FRMD4B: variants seen among roughly 807,000 people sequenced by gnomAD.
FRMD4B encodes the protein FERM domain containing 4B.
A neutral mutation model predicts 141.5 loss-of-function variants in FRMD4B; 74 were observed. That is an observed-to-expected ratio of 0.52 (90% CI 0.43 to 0.63). The LOEUF is 0.63. Ranked by LOEUF, FRMD4B falls within the 30% of genes least tolerant of loss-of-function variation. The probability of loss-of-function intolerance (pLI) is 0.00; values close to 1 mark genes in which losing one functional copy is unlikely to be tolerated. For missense variants in FRMD4B, 1,366 were observed against 1,253.4 expected (o/e 1.09, Z -1.36); for synonymous variants, 506 against 467.9 (o/e 1.08, Z -1.05).
intron 2 of FRMD4B, among the ~76,000 whole-genome samples, chr3:69,407,566 C>G (rs941748194): frequency 1.3e-5 from 2 of 152,200 alleles, no homozygotes; most frequent in Non-Finnish European, 2.9e-5. Flanking sequence ...GCAACCCAAA[C>G]GATGTTCAGG....
At chr3:69,318,162 A>G (rs1701868293) in intron 1 of FRMD4B, among the ~76,000 whole-genome samples, 1 of 151,954 alleles carries the variant, frequency 6.6e-6, no homozygotes, top group Admixed American at 6.6e-5. Flanking sequence ...TTTTGCAGAG[A>G]CAGGATCTTA....
At chr3:69,186,246 C>CTT (rs58174388) in intron 19 of FRMD4B, among the ~76,000 whole-genome samples, 7 of 89,618 alleles carry the variant, frequency 7.8e-5, no homozygotes, top group Admixed American at 2.7e-4. Flanking sequence ...TTTCTTTTTC[C>CTT]TTTTTTTTTT....
intron 1 of FRMD4B, among the ~76,000 whole-genome samples, chr3:69,436,292 A>C (rs1331843481): frequency 6.6e-6 from 1 of 152,196 alleles, no homozygotes; most frequent in African/African-American, 2.4e-5. Context: ...TGAAATACTA[A>C]AAAACGTAGG....
chr3:69,458,271 T>C (rs1348966467), intron 1 of FRMD4B, among the ~76,000 whole-genome samples: 1 of 152,166 alleles, frequency 6.6e-6, no homozygotes, highest in Non-Finnish European at 1.5e-5. Context: ...GATTTTTACA[T>C]TGGGTCATGT....
At chr3:69,303,069 G>A (rs1333383414) in intron 3 of FRMD4B, among the ~76,000 whole-genome samples, 4 of 136,062 alleles carry the variant, frequency 2.9e-5, no homozygotes, top group Non-Finnish European at 6.7e-5. Flanking sequence ...CCCTGTTAGA[G>A]TGAAACTCTG....
At chr3:69,375,156 C>A (rs147892096) in intron 1 of FRMD4B, among the ~76,000 whole-genome samples, 31 of 151,314 alleles carry the variant, frequency 2.0e-4, no homozygotes, top group Non-Finnish European at 3.7e-4. Context: ...CCCATCTATC[C>A]ATTCATCCAC....
rs1228930812 is a variant in FRMD4B, at chr3:69,287,797, G to A, written c.456C>T (p.Thr152=). 6.2e-7 allele frequency: 1 copy of A among 1,602,058 alleles called. No individual in the cohort carries two copies. Among genetic ancestry groups the A allele is most frequent in the East Asian group, 2.2e-5 (1 of 44,788 alleles). Residue 152 remains threonine, a synonymous_variant, in exon 5 of 23, where the codon ACC becomes ACT. Coordinates refer to ENST00000398540, the MANE Select transcript of FRMD4B (RefSeq NM_015123.3). ...CATTCAGGAAAAACAGCTCCACGGT[G>A]GTTTTATCCTTTAAAAACGATATGC... ...IESISFLKDK[T]TVELFFLNAK... is the part of the protein sequence containing the mutation.
chr3:69,270,564 TTTTTC>T (rs1181168116), intron 5 of FRMD4B, among the ~76,000 whole-genome samples: 3 of 139,428 alleles, frequency 2.2e-5, no homozygotes, highest in East Asian at 2.4e-4. Context: ...TTTTTTTCTT[TTTTTC>T]TTTTTTTTTT....
chr3:69,200,707 G>A (rs2092957183), intron 11 of FRMD4B: 14 of 1,280,568 alleles, frequency 1.1e-5, no homozygotes, highest in Non-Finnish European at 1.4e-5. Flanking sequence ...ATGGAGGGCA[G>A]TTGGGATTTG....
chr3:69,250,891 C>T (rs936681451), intron 5 of FRMD4B, among the ~76,000 whole-genome samples: 1 of 151,580 alleles, frequency 6.6e-6, no homozygotes, highest in Non-Finnish European at 1.5e-5. Context: ...AGTTTGAGAC[C>T]AGCTTGGGCA....
chr3:69,203,444 T>G (rs1373462293), intron 11 of FRMD4B, among the ~76,000 whole-genome samples: 1 of 152,160 alleles, frequency 6.6e-6, no homozygotes, highest in Non-Finnish European at 1.5e-5. Flanking sequence ...TTGAGAGTCA[T>G]TTATCCATTT....
chr3:69,528,774 T>C (rs553556695), intron 1 of FRMD4B, among the ~76,000 whole-genome samples: 1 of 147,458 alleles, frequency 6.8e-6, no homozygotes, highest in African/African-American at 2.5e-5. Flanking sequence ...GGACAGTGCA[T>C]AAATGAGACA....
intron 11 of FRMD4B, chr3:69,200,689 T>C (rs1252503384): frequency 7.9e-7 from 1 of 1,269,106 alleles, no homozygotes; most frequent in African/African-American, 1.5e-5. Context: ...AAAAGAGACC[T>C]TTCTAAAATG....
intron 1 of FRMD4B, among the ~76,000 whole-genome samples, chr3:69,376,366 G>GT (rs907786100): frequency 6.6e-6 from 1 of 151,428 alleles, no homozygotes; most frequent in African/African-American, 2.4e-5. Flanking sequence ...AAGTCCTAAA[G>GT]TTTTTTATTC....
chr3:69,215,376 T>C (rs1351486021), intron 11 of FRMD4B, among the ~76,000 whole-genome samples: 1 of 140,324 alleles, frequency 7.1e-6, no homozygotes. Context: ...CACTGCAACC[T>C]CTGCCTCCCA....
At chr3:69,476,745 T>G (rs1575816200) in intron 1 of FRMD4B, among the ~76,000 whole-genome samples, 1 of 152,164 alleles carries the variant, frequency 6.6e-6, no homozygotes, top group Non-Finnish European at 1.5e-5. Context: ...GTGAAGAAAG[T>G]CATTGGTAGC....
At chr3:69,276,787 A>C (rs1356045525) in intron 5 of FRMD4B, among the ~76,000 whole-genome samples, 1 of 152,114 alleles carries the variant, frequency 6.6e-6, no homozygotes, top group Non-Finnish European at 1.5e-5. Context: ...CAATATGGTG[A>C]AACCCCATCT....
intron 1 of FRMD4B, among the ~76,000 whole-genome samples, chr3:69,347,878 C>T (rs568125829): frequency 1.3e-5 from 2 of 152,250 alleles, no homozygotes; most frequent in South Asian, 2.1e-4. Flanking sequence ...CAAAAGAAAG[C>T]AGGAGAGATC....
At chr3:69,218,176 G>A (rs73097726) in intron 10 of FRMD4B, 146 bp downstream of exon 10, 50,848 of 571,298 alleles carry the variant, frequency 0.089, 2,464 homozygotes, top group Middle Eastern at 0.11. Flanking sequence ...ACATTTTAAC[G>A]TAGCAAGTAT....
Sources: gnomAD v4.1 joint callset for allele counts (sites outside exome capture counted in the v4.1 genomes callset) on GRCh38, gnomAD v4.1.1 for gene constraint, MANE v1.5 for transcripts, NCBI Gene and HGNC (gene_info 2026-07-23, HGNC 2026-07-21) for gene names.